The following LARGE1 variants were observed in gnomAD, a reference collection of about 807,000 sequenced individuals.
LARGE1 encodes xylosyl- and glucuronyltransferase LARGE1.
A neutral mutation model predicts 87.6 loss-of-function variants in LARGE1; 43 were observed. That is an observed-to-expected ratio of 0.49 (90% CI 0.38 to 0.63). The LOEUF (loss-of-function observed/expected upper bound fraction) is 0.63, where lower values mean the gene tolerates loss of function less well. LARGE1 is among the 30% of genes least tolerant of loss of function. LARGE1 has a pLI of 0.00. For synonymous variants in LARGE1, 434 were observed against 394.6 expected (o/e 1.10, Z -1.18); for missense variants, 802 against 1,000.2 (o/e 0.80, Z 2.67).
At chr22:33,692,011 G>T (rs550215292) in intron 2 of LARGE1, among the ~76,000 whole-genome samples, 36 of 152,172 alleles carry the variant, frequency 2.4e-4, no homozygotes, top group African/African-American at 8.4e-4. Context: ...GTGCCAAAAG[G>T]CTACCACGGA....
intron 3 of LARGE1, among the ~76,000 whole-genome samples, chr22:33,642,710 C>CAAAAAAAAAAAAAAAAAAAAAA (rs60815644): frequency 1.2e-4 from 2 of 17,352 alleles, no homozygotes; most frequent in Admixed American, 9.6e-4. Flanking sequence ...AAATGGAAAG[C>CAAAAAAAAAAAAAAAAAAAAAA]AAAAAAAAAA....
At chr22:33,509,269 AACCACTGGCCTCATC>A (rs2070927563) in intron 6 of LARGE1, among the ~76,000 whole-genome samples, 1 of 152,046 alleles carries the variant, frequency 6.6e-6, no homozygotes, top group African/African-American at 2.4e-5. Context: ...ACCTGTTGAG[AACCACTGGCCTCATC>A]AATACTCTCC....
chr22:33,096,415 C>CA, the LARGE1 span, among the ~76,000 whole-genome samples: 4,412 of 62,612 alleles, frequency 0.07, 183 homozygotes, highest in African/African-American at 0.15. Context: ...AACTCCATCT[C>CA]AAAAAAAAAA....
At chr22:33,406,929 A>G (rs182431273) in intron 7 of LARGE1, among the ~76,000 whole-genome samples, 1 of 152,192 alleles carries the variant, frequency 6.6e-6, no homozygotes, top group Non-Finnish European at 1.5e-5. Context: ...AGGAGCTGGG[A>G]TTACAGGCAC....
rs2083462208 is a variant in LARGE1 at position 33,731,352 on chromosome 22, G to A, written c.106+30019C>T. ...ACCCGAGAGAACTTATTGAGATAGT[G>A]ATATTGGGGCAAAACTTGGATATCT... On this transcript the variant is annotated intron_variant, in intron 2 of 14. Transcript: ENST00000397394. Among the ~76,000 whole-genome samples, 3 of 152,140 alleles carry A rather than the reference G, an allele frequency of 2.0e-5. No homozygotes were observed. The South Asian group carries it at 6.2e-4, about 32-fold the overall frequency.
At chr22:33,498,449 G>C (rs1241661619) in intron 6 of LARGE1, among the ~76,000 whole-genome samples, 2 of 152,126 alleles carry the variant, frequency 1.3e-5, no homozygotes, top group Non-Finnish European at 2.9e-5. Flanking sequence ...AAGGAGGCTG[G>C]ATACATATAT....
chr22:33,328,098 T>C (rs1156966418), intron 10 of LARGE1, among the ~76,000 whole-genome samples: 1 of 152,086 alleles, frequency 6.6e-6, no homozygotes, highest in Non-Finnish European at 1.5e-5. Context: ...ATAAGTACTA[T>C]GGAGAAAAAT....
At chr22:33,555,521 G>A (rs1261451902) in intron 6 of LARGE1, among the ~76,000 whole-genome samples, 1 of 152,222 alleles carries the variant, frequency 6.6e-6, no homozygotes, top group African/African-American at 2.4e-5. Context: ...GCAAAGACTC[G>A]AAGGGCTGGG....
At chr22:33,848,339 G>A (rs2063490932) in intron 1 of LARGE1, among the ~76,000 whole-genome samples, 2 of 152,148 alleles carry the variant, frequency 1.3e-5, no homozygotes, top group African/African-American at 4.8e-5. Context: ...AAAACGAGGT[G>A]GTGGATAAGC....
chr22:33,332,879 T>C (rs1186432288), intron 10 of LARGE1, among the ~76,000 whole-genome samples: 1 of 152,176 alleles, frequency 6.6e-6, no homozygotes, highest in African/African-American at 2.4e-5. Flanking sequence ...TCTTGACTTA[T>C]GAGTGCTAGC....
chr22:33,777,239 C>T (rs2085266423), intron 1 of LARGE1, among the ~76,000 whole-genome samples: 1 of 152,166 alleles, frequency 6.6e-6, no homozygotes, highest in Admixed American at 6.5e-5. Context: ...GATAATGGGA[C>T]TGGGACAGGA....
intron 1 of LARGE1, among the ~76,000 whole-genome samples, chr22:33,789,660 T>A (rs2085760849): frequency 6.6e-6 from 1 of 152,192 alleles, no homozygotes; most frequent in Non-Finnish European, 1.5e-5. Context: ...TGCATCAGCA[T>A]GACCTAGAGG....
intron 2 of LARGE1, among the ~76,000 whole-genome samples, chr22:33,758,795 G>T (rs1480481798): frequency 1.3e-5 from 2 of 152,136 alleles, no homozygotes; most frequent in East Asian, 3.8e-4. Flanking sequence ...GGGAAACCAT[G>T]CCATTTGCCT....
intron 1 of LARGE1, among the ~76,000 whole-genome samples, chr22:33,799,440 G>T (rs927100282): frequency 2.0e-5 from 3 of 150,224 alleles, no homozygotes; most frequent in Non-Finnish European, 4.5e-5. Context: ...ATACAGATAA[G>T]AAACTTCTTT....
chr22:33,369,781 C>T (rs2064741285), intron 9 of LARGE1, among the ~76,000 whole-genome samples: 1 of 152,078 alleles, frequency 6.6e-6, no homozygotes, highest in Admixed American at 6.5e-5. Context: ...GTTGGCCAAG[C>T]TGGTCTCGAA....
chr22:33,346,217 CTT>C (rs1262050765), intron 9 of LARGE1, among the ~76,000 whole-genome samples: 5 of 152,050 alleles, frequency 3.3e-5, no homozygotes, highest in African/African-American at 1.2e-4. Flanking sequence ...ACCCTACCTT[CTT>C]TTCTCTTCCT....
chr22:33,849,408 T>C (rs1352627009), intron 1 of LARGE1, among the ~76,000 whole-genome samples: 2 of 152,002 alleles, frequency 1.3e-5, no homozygotes, highest in African/African-American at 2.4e-5. Flanking sequence ...AGGATACGAA[T>C]GCTATAGGGT....
chr22:33,869,302 TCA>T (rs1405120125), intron 1 of LARGE1, among the ~76,000 whole-genome samples: 1 of 152,096 alleles, frequency 6.6e-6, no homozygotes, highest in Non-Finnish European at 1.5e-5. Flanking sequence ...AACAACACTC[TCA>T]GAGTTGGCAT....
intron 11 of LARGE1, among the ~76,000 whole-genome samples, chr22:33,212,083 C>G (rs1924993063): frequency 6.6e-6 from 1 of 152,004 alleles, no homozygotes; most frequent in Non-Finnish European, 1.5e-5. Flanking sequence ...GATGGAGAAG[C>G]TGAAGTTATC....
Sources: gnomAD v4.1 joint callset for allele counts (sites outside exome capture counted in the v4.1 genomes callset) on GRCh38, gnomAD v4.1.1 for gene constraint, MANE v1.5 for transcripts, NCBI Gene and HGNC (gene_info 2026-07-23, HGNC 2026-07-21) for gene names.